Variants in LRGUK observed in about 807,000 individuals in gnomAD.
LRGUK encodes leucine rich repeats and guanylate kinase domain containing.
LRGUK carries 65 observed loss-of-function variants against 76.0 expected under a neutral mutation model. The ratio of observed to expected loss-of-function variants is 0.85; its 90% CI spans 0.70 to 1.05. LRGUK has a LOEUF of 1.05. Ranked by LOEUF, LRGUK falls within the 50% of genes least tolerant of loss-of-function variation. The pLI, the probability that LRGUK is intolerant of heterozygous loss-of-function variation, is 0.00. For missense variants in LRGUK, 758 were observed against 732.8 expected, an observed-to-expected ratio of 1.03 and a Z score of -0.40; for synonymous variants, 268 against 265.6, an observed-to-expected ratio of 1.01 and a Z score of -0.09.
chr7:134,255,309 C>T (rs1255621271), intron 18 of LRGUK, among the ~76,000 whole-genome samples: 1 of 151,532 alleles, frequency 6.6e-6, no homozygotes, highest in Non-Finnish European at 1.5e-5. Context: ...CTGTCATTTT[C>T]CTCATTTTAA....
chr7:134,270,105 A>G, the LRGUK span, among the ~76,000 whole-genome samples: 4 of 152,318 alleles, frequency 2.6e-5, no homozygotes, highest in Admixed American at 2.6e-4. Context: ...TAAAGCAGGA[A>G]AATGTAATAA....
chr7:134,192,796 C>A (rs1277041432), intron 12 of LRGUK, among the ~76,000 whole-genome samples: 2 of 152,130 alleles, frequency 1.3e-5, no homozygotes, highest in African/African-American at 4.8e-5. Flanking sequence ...CAAGTAAATC[C>A]TACACCACTT....
At chr7:134,206,318 C>A (rs1326897756) in intron 15 of LRGUK, among the ~76,000 whole-genome samples, 2 of 152,130 alleles carry the variant, frequency 1.3e-5, no homozygotes, top group Non-Finnish European at 2.9e-5. Flanking sequence ...AGGTCGAGAC[C>A]ATCCTGGCCA....
At chr7:134,263,419 C>CTGTGTGTGTGTGTG (rs60637538) in intron 19 of LRGUK, among the ~76,000 whole-genome samples, 3 of 149,510 alleles carry the variant, frequency 2.0e-5, no homozygotes, top group African/African-American at 7.3e-5. Flanking sequence ...GTGTGTGTGT[C>CTGTGTGTGTGTGTG]TGTGTGCATG....
chr7:134,257,604 G>A lies in LRGUK; in HGVS notation c.2199-653G>A, dbSNP rs1319013524. Among the ~76,000 whole-genome samples, 7 of 152,000 alleles carry A rather than the reference G, an allele frequency of 4.6e-5. No individual in the cohort carries two copies. The East Asian group carries it at 5.8e-4, about 13-fold the overall frequency. ...GCTGATCACCTGAGGTCAGGAGTTC[G>A]AGACCAGCCTGGCCAACATGGCATA... On this transcript the variant is annotated intron_variant, in intron 18 of 19. Transcript: ENST00000285928.
Position 134,224,121 on chromosome 7 carries a change from T to C in LRGUK, c.1983+2203T>C, listed in dbSNP as rs559401986. On this transcript the variant is annotated intron_variant, in intron 16 of 19. Coordinates refer to the LRGUK transcript ENST00000285928. ...GGTATTCCAGCCTTCTTGGATGGTG[T>C]GGCTTGATGCTTCTTGGACTTTCAA... Among the ~76,000 whole-genome samples, 191 of 152,354 alleles carry C rather than the reference T, an allele frequency of 1.3e-3. 2 individuals carry two copies. Among genetic ancestry groups the C allele is most frequent in the African/African-American group, 4.4e-3 (181 of 41,580 alleles).
chr7:134,209,831 C>A (rs913828115), exon 16 of LRGUK: 10 of 399,260 alleles, frequency 2.5e-5, no homozygotes, highest in Admixed American at 1.8e-4. Context: ...TATCAGTCCC[C>A]CCAGCCAGGA....
At chr7:134,210,994 A>G (rs1397417090), downstream of LRGUK, among the ~76,000 whole-genome samples, 2 of 152,188 alleles carry the variant, frequency 1.3e-5, no homozygotes, top group African/African-American at 2.4e-5. Context: ...CCAGCTCATT[A>G]AGGTCTGGGA....
At position 134,247,612 on chromosome 7, in the gene LRGUK, G is replaced by A. The variant is rs752393073; in HGVS notation, c.2040G>A (p.Arg680=). ...CAGCCCGGCAAGCTCTAATGGGAAGGATACGCCCTGATCACACACTCCTAT... is the reference window on the plus strand; with the variant it reads ...CAGCCCGGCAAGCTCTAATGGGAAGAATACGCCCTGATCACACACTCCTAT... Residue 680 remains arginine, a synonymous_variant, in exon 17 of 20, where the codon AGG becomes AGA. Coordinates refer to the LRGUK transcript ENST00000285928. The A allele has an allele frequency of 3.1e-6, 5 of 1,613,698 alleles. No homozygotes were observed. The African/African-American group carries it at 6.7e-5, about 22-fold the overall frequency.
exon 16 of LRGUK, chr7:134,209,662 G>A (rs1324891727): frequency 2.5e-5 from 10 of 399,042 alleles, no homozygotes; most frequent in Admixed American, 4.4e-5. Flanking sequence ...AAACCATGAC[G>A]GTCTCTCCCA....
intron 19 of LRGUK, among the ~76,000 whole-genome samples, chr7:134,258,747 A>G (rs1802647730): frequency 6.6e-6 from 1 of 151,898 alleles, no homozygotes; most frequent in Non-Finnish European, 1.5e-5. Flanking sequence ...AATATAAGTT[A>G]TATATATTTA....
At chr7:134,169,758 G>C (rs1418389937) in intron 7 of LRGUK, among the ~76,000 whole-genome samples, 1 of 152,054 alleles carries the variant, frequency 6.6e-6, no homozygotes, top group African/African-American at 2.4e-5. Flanking sequence ...CTATTGAATG[G>C]ATAAGTCAGG....
chr7:134,140,219 A>G lies in LRGUK; in HGVS notation c.487+702A>G, dbSNP rs897631446. ...TCCTGACTTCAAGTGATCTGCCCGCATCAGCCTCCCAAAGTGCTGGGATTA... is the reference window on the plus strand; with the variant it reads ...TCCTGACTTCAAGTGATCTGCCCGCGTCAGCCTCCCAAAGTGCTGGGATTA... On this transcript the variant is annotated intron_variant, in intron 3 of 15. Transcript: ENST00000645682. Among the ~76,000 whole-genome samples the G allele has an allele frequency of 1.1e-4, 16 of 152,076 alleles. 1 individual carries two copies. The highest frequency in any genetic ancestry group is 2.7e-4 in the African/African-American group (11 of 41,400).
At chr7:134,199,447 T>G (rs1487811330) in intron 14 of LRGUK, 26 bp downstream of exon 14, 1 of 1,584,296 alleles carries the variant, frequency 6.3e-7, no homozygotes, top group Admixed American at 1.7e-5. Flanking sequence ...CAAAGTTTTG[T>G]TTTTGAAATG....
chr7:134,156,077 A>C (rs1397903801), intron 5 of LRGUK, among the ~76,000 whole-genome samples: 1 of 152,226 alleles, frequency 6.6e-6, no homozygotes, highest in Non-Finnish European at 1.5e-5. Flanking sequence ...GAACTCTCTC[A>C]GTAGTATAAA....
chr7:134,263,778 C>G (rs531156799), intron 19 of LRGUK, 67 bp from the exon 20 acceptor site: 67 of 1,448,622 alleles, frequency 4.6e-5, no homozygotes, highest in Admixed American at 6.5e-5. Flanking sequence ...TTATATCATG[C>G]AACACTTATT....
intron 10 of LRGUK, among the ~76,000 whole-genome samples, chr7:134,179,031 A>G (rs1046253221): frequency 6.6e-6 from 1 of 151,338 alleles, no homozygotes; most frequent in Non-Finnish European, 1.5e-5. Context: ...TCCATTGTAA[A>G]TTTTCCCTCA....
At chr7:134,178,858 A>T (rs1228051355) in intron 10 of LRGUK, among the ~76,000 whole-genome samples, 1 of 124,698 alleles carries the variant, frequency 8.0e-6, no homozygotes, top group East Asian at 2.7e-4. Context: ...TGATGAGTTG[A>T]TTCACCTTCA....
intron 19 of LRGUK, among the ~76,000 whole-genome samples, chr7:134,263,418 T>TGA (rs57447236): frequency 6.6e-6 from 1 of 151,880 alleles, no homozygotes; most frequent in Non-Finnish European, 1.5e-5. Flanking sequence ...TGTGTGTGTG[T>TGA]CTGTGTGCAT....
Sources: gnomAD v4.1 joint callset for allele counts (sites outside exome capture counted in the v4.1 genomes callset) on GRCh38, gnomAD v4.1.1 for gene constraint, MANE v1.5 for transcripts, NCBI Gene and HGNC (gene_info 2026-07-23, HGNC 2026-07-21) for gene names.